The following AGBL4 variants were observed in gnomAD, a reference collection of about 807,000 sequenced individuals.
The protein encoded by AGBL4 is cytosolic carboxypeptidase 6.
Under a neutral mutation model 66.4 loss-of-function variants are expected in AGBL4, and 58 were observed. That is an observed-to-expected ratio of 0.87 (90% CI 0.71 to 1.09). The LOEUF (loss-of-function observed/expected upper bound fraction) is 1.09, where lower values mean the gene tolerates loss of function less well. Among genes scored for constraint, AGBL4 ranks in the 50% least tolerant of loss-of-function variants. AGBL4 has a pLI of 0.00. For synonymous variants in AGBL4, 234 were observed against 222.9 expected (o/e 1.05, Z -0.44); for missense variants, 579 against 631.0 (o/e 0.92, Z 0.88).
chr1:49,301,455 T>A (rs1644743447), intron 3 of AGBL4, among the ~76,000 whole-genome samples: 1 of 152,194 alleles, frequency 6.6e-6, no homozygotes, highest in Non-Finnish European at 1.5e-5. Context: ...ATAGTTTAAT[T>A]TTAAAGCAAG....
intron 1 of AGBL4, among the ~76,000 whole-genome samples, chr1:49,861,718 T>C (rs1402558388): frequency 6.6e-6 from 1 of 152,180 alleles, no homozygotes; most frequent in Non-Finnish European, 1.5e-5. Context: ...TATTAGAAAG[T>C]AGGGGAAAAG....
chr1:48,562,634 AT>A (rs1208671495), intron 11 of AGBL4, among the ~76,000 whole-genome samples: 1 of 152,238 alleles, frequency 6.6e-6, no homozygotes, highest in East Asian at 1.9e-4. Context: ...TAGTGGGATA[AT>A]AAAGCATCAG....
At chr1:49,773,767 G>C (rs532923062) in intron 2 of AGBL4, among the ~76,000 whole-genome samples, 7 of 152,168 alleles carry the variant, frequency 4.6e-5, no homozygotes, top group Non-Finnish European at 1.0e-4. Context: ...CCTCTCCAAC[G>C]GAGTGGTGCT....
chr1:49,699,788 G>C (rs533868576), intron 2 of AGBL4, among the ~76,000 whole-genome samples: 69 of 152,016 alleles, frequency 4.5e-4, no homozygotes, highest in African/African-American at 1.6e-3. Flanking sequence ...GAAAATCACA[G>C]TTATGTATGA....
intron 6 of AGBL4, among the ~76,000 whole-genome samples, chr1:48,738,722 T>C (rs1444856860): frequency 6.6e-6 from 1 of 152,226 alleles, no homozygotes; most frequent in East Asian, 1.9e-4. Context: ...CTTGCTTTCC[T>C]GTGATCTTTT....
intron 9 of AGBL4, among the ~76,000 whole-genome samples, chr1:48,603,123 A>G (rs1645099034): frequency 6.6e-6 from 1 of 152,198 alleles, no homozygotes; most frequent in Admixed American, 6.5e-5. Flanking sequence ...CAGTGTAGGC[A>G]GAGGGAGCCT....
At chr1:48,545,464 A>T (rs1644144230) in intron 11 of AGBL4, among the ~76,000 whole-genome samples, 1 of 152,200 alleles carries the variant, frequency 6.6e-6, no homozygotes, top group African/African-American at 2.4e-5. Context: ...TTTTCAATTA[A>T]AACAAGCTGA....
chr1:49,889,767 A>G (rs893531504), intron 1 of AGBL4, among the ~76,000 whole-genome samples: 5 of 152,166 alleles, frequency 3.3e-5, no homozygotes, highest in African/African-American at 1.2e-4. Flanking sequence ...AAAAAAAAAA[A>G]GAAATAATCA....
intron 2 of AGBL4, among the ~76,000 whole-genome samples, chr1:49,763,557 G>T (rs879455008): frequency 2.0e-5 from 3 of 152,210 alleles, no homozygotes; most frequent in Non-Finnish European, 4.4e-5. Flanking sequence ...AAACAGAGAA[G>T]AGTGAAGCTG....
intron 1 of AGBL4, among the ~76,000 whole-genome samples, chr1:49,970,096 A>G (rs1236978096): frequency 6.6e-6 from 1 of 152,168 alleles, no homozygotes; most frequent in East Asian, 1.9e-4. Context: ...ACAAAAATTA[A>G]TCCAAAAGTG....
At chr1:48,883,464 G>T (rs1649983991) in intron 5 of AGBL4, among the ~76,000 whole-genome samples, 1 of 152,188 alleles carries the variant, frequency 6.6e-6, no homozygotes, top group African/African-American at 2.4e-5. Context: ...AAGTAATTAT[G>T]AGGTGCCAAA....
chr1:49,829,068 C>CAAAA (rs536528061), intron 2 of AGBL4, among the ~76,000 whole-genome samples: 1 of 93,518 alleles, frequency 1.1e-5, no homozygotes, highest in Non-Finnish European at 2.2e-5. Context: ...GACTCCGTCT[C>CAAAA]AAAAAAAAAA....
intron 2 of AGBL4, among the ~76,000 whole-genome samples, chr1:49,807,188 G>T (rs1293247340): frequency 6.6e-6 from 1 of 152,104 alleles, no homozygotes; most frequent in Non-Finnish European, 1.5e-5. Context: ...GACCAGTAGA[G>T]CCACTGGCAT....
intron 5 of AGBL4, among the ~76,000 whole-genome samples, chr1:48,887,676 T>G (rs1188548993): frequency 6.6e-6 from 1 of 152,172 alleles, no homozygotes; most frequent in African/African-American, 2.4e-5. Flanking sequence ...AAACTCTTAC[T>G]GATGTCCTAC....
chr1:48,794,318 A>C (rs911093430), intron 6 of AGBL4, among the ~76,000 whole-genome samples: 3 of 152,130 alleles, frequency 2.0e-5, no homozygotes, highest in Non-Finnish European at 4.4e-5. Context: ...TCCTTCCTAT[A>C]TGCACTTACA....
intron 3 of AGBL4, among the ~76,000 whole-genome samples, chr1:49,336,455 A>G (rs1570463928): frequency 1.3e-5 from 2 of 152,248 alleles, no homozygotes; most frequent in East Asian, 3.8e-4. Context: ...GGACACAGTG[A>G]GCATGATGTT....
At chr1:48,748,554 C>T (rs554378255) in intron 6 of AGBL4, among the ~76,000 whole-genome samples, 16 of 152,252 alleles carry the variant, frequency 1.1e-4, no homozygotes, top group East Asian at 3.9e-4. Flanking sequence ...TTCATAAGGA[C>T]GGTCACCAAC....
intron 3 of AGBL4, among the ~76,000 whole-genome samples, chr1:49,405,440 A>G (rs1313277211): frequency 2.6e-5 from 4 of 152,148 alleles, no homozygotes; most frequent in East Asian, 1.9e-4. Flanking sequence ...TGGGGATGAT[A>G]ATAATATACA....
intron 8 of AGBL4, among the ~76,000 whole-genome samples, chr1:48,649,207 G>A (rs1228156838): frequency 6.6e-6 from 1 of 152,112 alleles, no homozygotes; most frequent in Non-Finnish European, 1.5e-5. Context: ...TACAAATTAG[G>A]GCAAGAGCCA....
Sources: allele counts gnomAD v4.1 joint callset (sites outside exome capture counted in the v4.1 genomes callset), GRCh38; gene constraint gnomAD v4.1.1; transcripts MANE v1.5; gene names NCBI Gene and HGNC (gene_info 2026-07-23, HGNC 2026-07-21).